The following DPP10 variants were observed in gnomAD, a reference collection of about 807,000 sequenced individuals.
DPP10 encodes the protein inactive dipeptidyl peptidase 10.
A neutral mutation model predicts 120.9 loss-of-function variants in DPP10; 33 were observed. The ratio of observed to expected loss-of-function variants is 0.27; its 90% confidence interval spans 0.21 to 0.37. DPP10 has a LOEUF of 0.37. Ranked by LOEUF, DPP10 falls within the 10% of genes least tolerant of loss-of-function variation. The probability of loss-of-function intolerance (pLI) is 1.00; values close to 1 mark genes in which losing one functional copy is unlikely to be tolerated. For synonymous variants in DPP10, 337 were observed against 326.1 expected, an observed-to-expected ratio of 1.03 and a Z score of -0.36; for missense variants, 816 against 942.8, an observed-to-expected ratio of 0.87 and a Z score of 1.76.
chr2:114,770,881 G>A (rs1681189211), intron 1 of DPP10, among the ~76,000 whole-genome samples: 1 of 151,968 alleles, frequency 6.6e-6, no homozygotes, highest in Non-Finnish European at 1.5e-5. Context: ...TGAGTTTTAT[G>A]TCTTGGCCAC....
intron 1 of DPP10, among the ~76,000 whole-genome samples, chr2:115,112,542 C>G (rs1330679193): frequency 6.6e-6 from 1 of 152,164 alleles, no homozygotes; most frequent in African/African-American, 2.4e-5. Flanking sequence ...ACCTCTCACA[C>G]TTACCATTTT....
At chr2:115,417,885 T>G (rs1227181387) in intron 3 of DPP10, among the ~76,000 whole-genome samples, 1 of 152,244 alleles carries the variant, frequency 6.6e-6, no homozygotes, top group Non-Finnish European at 1.5e-5. Flanking sequence ...GTCTGATGTA[T>G]TTCTCTTATC....
chr2:115,334,258 C>CTTTTTTTTTTTTTTTTTT (rs2062982462), intron 2 of DPP10, among the ~76,000 whole-genome samples: 3 of 25,124 alleles, frequency 1.2e-4, no homozygotes, highest in African/African-American at 1.9e-4. Flanking sequence ...AGAAACCTAG[C>CTTTTTTTTTTTTTTTTTT]TATTTCTGCA....
rs149962909 is a variant in DPP10 at position 115,736,272 on chromosome 2, T to C, written c.698-3467T>C. On this transcript the variant is annotated intron_variant, in intron 8 of 25. Transcript: ENST00000410059. ...AGTGCCTAGATCTGTACCTCATGGC[T>C]ATACAGGTGGGGCACACTGCATGTT... Among the ~76,000 whole-genome samples, 673 of 152,262 alleles carry C rather than the reference T, an allele frequency of 4.4e-3. 7 individuals carry two copies. Among genetic ancestry groups the C allele is most frequent in the African/African-American group, 0.016 (648 of 41,564 alleles).
intron 5 of DPP10, among the ~76,000 whole-genome samples, chr2:115,539,424 G>A (rs959088592): frequency 6.6e-6 from 1 of 151,960 alleles, no homozygotes; most frequent in African/African-American, 2.4e-5. Context: ...GCCTAGTGTT[G>A]AAGTCAGTGA....
chr2:115,122,138 C>T (rs13383466), intron 1 of DPP10, among the ~76,000 whole-genome samples: 97 of 152,310 alleles, frequency 6.4e-4, no homozygotes, highest in African/African-American at 2.2e-3. Context: ...CCCATTCATC[C>T]TAGGGGTTCC....
At chr2:114,725,420 T>G (rs1205730107) in intron 1 of DPP10, among the ~76,000 whole-genome samples, 1 of 152,210 alleles carries the variant, frequency 6.6e-6, no homozygotes, top group African/African-American at 2.4e-5. Context: ...GACTATTTCC[T>G]TACATGACCT....
chr2:115,031,409 G>T (rs1703832819), intron 1 of DPP10, among the ~76,000 whole-genome samples: 1 of 152,076 alleles, frequency 6.6e-6, no homozygotes, highest in South Asian at 2.1e-4. Context: ...TTGGTTTATT[G>T]TGTCCAATCA....
chr2:115,043,187 ATAT>A (rs1704797261), intron 1 of DPP10, among the ~76,000 whole-genome samples: 1 of 152,206 alleles, frequency 6.6e-6, no homozygotes, highest in South Asian at 2.1e-4. Context: ...ATAGAGAAAA[ATAT>A]TATGATGTCA....
At chr2:115,655,288 AAG>A (rs1295009594) in intron 5 of DPP10, among the ~76,000 whole-genome samples, 3 of 151,744 alleles carry the variant, frequency 2.0e-5, no homozygotes, top group Non-Finnish European at 4.4e-5. Flanking sequence ...CTAGGACACA[AAG>A]TTTGGGGAAA....
chr2:114,709,152 T>C (rs974991246), intron 1 of DPP10, among the ~76,000 whole-genome samples: 2 of 152,160 alleles, frequency 1.3e-5, no homozygotes, highest in East Asian at 3.9e-4. Context: ...TGCTTGCATT[T>C]GACCAAAGGG....
At position 115,836,749 on chromosome 2, in the gene DPP10, A is replaced by G; in HGVS notation, c.2182+3A>G. The G allele has an allele frequency of 6.2e-7, 1 of 1,612,208 alleles. No homozygotes were observed. Among genetic ancestry groups the G allele is most frequent in the South Asian group, 1.1e-5 (1 of 90,810 alleles). On this transcript the variant is annotated splice_donor_region_variant and intron_variant, in intron 24 of 25. Coordinates refer to ENST00000410059, the MANE Select transcript of DPP10 (RefSeq NM_020868.6). ...AATAATTCATGGAACTGCTGACAGT[A>G]AGTATTATACTTGCCGCTGCTGTTT...
chr2:114,485,213 T>C (rs1210256960), intron 1 of DPP10, among the ~76,000 whole-genome samples: 2 of 152,142 alleles, frequency 1.3e-5, no homozygotes, highest in South Asian at 2.1e-4. Flanking sequence ...TACAACAAAC[T>C]TAGTTATAGT....
chr2:114,748,649 C>T (rs1461191892), intron 1 of DPP10, among the ~76,000 whole-genome samples: 6 of 75,614 alleles, frequency 7.9e-5, no homozygotes, highest in South Asian at 5.8e-4. Context: ...TGAGAATATG[C>T]GGTGTTTGGT....
chr2:115,049,782 C>T (rs1017374697), intron 1 of DPP10, among the ~76,000 whole-genome samples: 8 of 152,118 alleles, frequency 5.3e-5, no homozygotes, highest in Admixed American at 3.3e-4. Flanking sequence ...ATTTAGTTCT[C>T]ATGGTTCCCT....
intron 1 of DPP10, among the ~76,000 whole-genome samples, chr2:114,630,914 T>C (rs772813458): frequency 1.6e-4 from 24 of 152,068 alleles, no homozygotes; most frequent in Non-Finnish European, 3.4e-4. Context: ...GATTGAACTA[T>C]CTGGAACATT....
At chr2:115,673,291 A>T (rs185805134) in intron 5 of DPP10, among the ~76,000 whole-genome samples, 424 of 152,290 alleles carry the variant, frequency 2.8e-3, no homozygotes, top group Non-Finnish European at 5.1e-3. Context: ...AGGATGAGTT[A>T]ATCACTTTCT....
At chr2:114,519,306 C>A (rs1684856578) in intron 1 of DPP10, among the ~76,000 whole-genome samples, 1 of 152,290 alleles carries the variant, frequency 6.6e-6, no homozygotes, top group East Asian at 1.9e-4. Flanking sequence ...CAGGCCTCAC[C>A]CCATCTGTCA....
At chr2:114,539,147 ATTATG>A (rs1469168064) in intron 1 of DPP10, among the ~76,000 whole-genome samples, 5 of 148,668 alleles carry the variant, frequency 3.4e-5, no homozygotes, top group African/African-American at 9.8e-5. Flanking sequence ...TATATTTATA[ATTATG>A]TTATATTACA....
Sources: allele counts gnomAD v4.1 joint callset (sites outside exome capture counted in the v4.1 genomes callset), GRCh38; gene constraint gnomAD v4.1.1; transcripts MANE v1.5; gene names NCBI Gene and HGNC (gene_info 2026-07-23, HGNC 2026-07-21).